Variants in SMYD3 observed in about 807,000 individuals in gnomAD.
SMYD3 encodes histone-lysine N-methyltransferase SMYD3.
Under a neutral mutation model 57.7 loss-of-function variants are expected in SMYD3, and 36 were observed. The ratio of observed to expected loss-of-function variants is 0.62; its 90% CI spans 0.48 to 0.82. SMYD3 has a LOEUF of 0.82. Among genes scored for constraint, SMYD3 ranks in the 40% least tolerant of loss-of-function variants. The probability of loss-of-function intolerance (pLI) is 0.00; values close to 1 mark genes in which losing one functional copy is unlikely to be tolerated. For synonymous variants in SMYD3, 211 were observed against 195.0 expected (o/e 1.08, Z -0.68); for missense variants, 515 against 538.8 (o/e 0.96, Z 0.44).
chr1:246,079,609 ACTGT>A (rs1400323455), intron 5 of SMYD3, among the ~76,000 whole-genome samples: 1 of 152,196 alleles, frequency 6.6e-6, no homozygotes, highest in Non-Finnish European at 1.5e-5. Context: ...TCATCCCCCG[ACTGT>A]CTGTCACTCA....
At chr1:246,129,225 C>T (rs1274256766) in intron 5 of SMYD3, among the ~76,000 whole-genome samples, 3 of 151,950 alleles carry the variant, frequency 2.0e-5, no homozygotes, top group African/African-American at 7.3e-5. Context: ...ACTAAAACTG[C>T]TCTAAAAAAA....
intron 5 of SMYD3, among the ~76,000 whole-genome samples, chr1:246,269,029 T>A (rs540113229): frequency 1.3e-5 from 2 of 152,278 alleles, no homozygotes; most frequent in East Asian, 3.9e-4. Flanking sequence ...TAAAGAATAA[T>A]AAGCACGTAA....
At chr1:246,173,996 C>T (rs1036684667) in intron 5 of SMYD3, among the ~76,000 whole-genome samples, 8 of 152,018 alleles carry the variant, frequency 5.3e-5, no homozygotes, top group Non-Finnish European at 1.0e-4. Context: ...TTTTTGCAGA[C>T]ACAGGGTCTC....
intron 10 of SMYD3, among the ~76,000 whole-genome samples, chr1:245,813,860 CTATATATATATATA>C (rs6143718): frequency 1.8e-4 from 26 of 147,042 alleles, no homozygotes; most frequent in African/African-American, 6.8e-4. Context: ...TCATGGAGCC[CTATATATATATATA>C]TATATATATA....
intron 5 of SMYD3, among the ~76,000 whole-genome samples, chr1:245,992,236 G>A (rs1182769287): frequency 7.5e-5 from 7 of 93,840 alleles, no homozygotes; most frequent in Middle Eastern, 5.1e-3. Context: ...ACGGCCTGCC[G>A]TCATTTCTAT....
chr1:246,442,323 G>A lies in SMYD3; in HGVS notation c.164+64731C>T, dbSNP rs139260306. 8.7e-3 allele frequency among the ~76,000 whole-genome samples: 1,319 copies of A among 152,184 alleles called. 7 individuals carry two copies. The highest frequency in any genetic ancestry group is 0.013 in the Non-Finnish European group (897 of 67,986). ...TGTAATCCCAGCACTTTGGGAGGCC[G>A]AGGCAGGCTGAGGTCACGAGTTCAA... On this transcript the variant is annotated intron_variant, in intron 1 of 11. Transcript: ENST00000490107.
At position 246,018,606 on chromosome 1, in the gene SMYD3, CT is replaced by C. The variant is rs528690906; in HGVS notation, c.532-88670del. Among the ~76,000 whole-genome samples, 792 of 152,174 alleles carry C rather than the reference CT, an allele frequency of 5.2e-3. 3 individuals carry two copies. Among genetic ancestry groups the C allele is most frequent in the African/African-American group, 8.2e-3 (339 of 41,542 alleles). The stretch of plus-strand genomic sequence containing the variant: ...CTATACACACCTCATTGATTTTAAA[CT>C]TTTTTTCTTTGTTTACAGATGGGGT... On this transcript the variant is annotated intron_variant, in intron 5 of 11. Transcript: ENST00000490107.
intron 1 of SMYD3, among the ~76,000 whole-genome samples, chr1:246,469,045 G>A (rs2067920987): frequency 6.6e-6 from 1 of 152,156 alleles, no homozygotes; most frequent in Admixed American, 6.5e-5. Context: ...GGCCCATTCA[G>A]TACCTCCACA....
intron 5 of SMYD3, among the ~76,000 whole-genome samples, chr1:245,958,180 G>T (rs1481321843): frequency 6.6e-6 from 1 of 152,216 alleles, no homozygotes; most frequent in Non-Finnish European, 1.5e-5. Context: ...AGAGGCTTAA[G>T]TGGTGCCAGA....
chr1:246,256,141 T>C (rs10924635), intron 5 of SMYD3, among the ~76,000 whole-genome samples: 31,550 of 151,974 alleles, frequency 0.21, 3,988 homozygotes, highest in East Asian at 0.58. Flanking sequence ...AATTGAAGAA[T>C]TTGGAGTCTG....
chr1:245,760,897 T>C (rs538194478), intron 11 of SMYD3, among the ~76,000 whole-genome samples: 1 of 152,202 alleles, frequency 6.6e-6, no homozygotes, highest in South Asian at 2.1e-4. Flanking sequence ...ATGCTTGAGA[T>C]TGGCAAGCAC....
At chr1:246,433,231 C>G (rs2067323049) in intron 1 of SMYD3, among the ~76,000 whole-genome samples, 2 of 152,198 alleles carry the variant, frequency 1.3e-5, no homozygotes. Context: ...ACACACACAC[C>G]AATATCTAGG....
rs1373470748 is a variant in SMYD3 at position 246,083,094 on chromosome 1, C to T, written c.532-153157G>A. On this transcript the variant is annotated intron_variant, in intron 5 of 11. Coordinates refer to ENST00000490107, the MANE Select transcript of SMYD3 (RefSeq NM_001167740.2). ...GGAAAGACCTGACCGTCCCCCAGCCCGACACCCGTAAAGGGTCTGTGCTGA... is the reference window on the plus strand; with the variant it reads ...GGAAAGACCTGACCGTCCCCCAGCCTGACACCCGTAAAGGGTCTGTGCTGA... Among the ~76,000 whole-genome samples, 12 of 151,272 alleles carry T rather than the reference C, an allele frequency of 7.9e-5. No individual in the cohort carries two copies. The South Asian group carries it at 1.1e-3, about 13-fold the overall frequency.
intron 8 of SMYD3, among the ~76,000 whole-genome samples, chr1:245,868,814 C>A (rs1235343575): frequency 6.6e-6 from 1 of 152,178 alleles, no homozygotes; most frequent in Non-Finnish European, 1.5e-5. Flanking sequence ...CTGCTACTCA[C>A]AATTATGTCT....
chr1:246,375,998 G>A (rs945958182), intron 1 of SMYD3, among the ~76,000 whole-genome samples: 6 of 151,968 alleles, frequency 3.9e-5, no homozygotes, highest in African/African-American at 1.4e-4. Flanking sequence ...CCAAAGTGCT[G>A]GGATTACAGG....
chr1:245,825,013 A>G (rs2049403198), intron 10 of SMYD3, among the ~76,000 whole-genome samples: 1 of 152,204 alleles, frequency 6.6e-6, no homozygotes, highest in African/African-American at 2.4e-5. Flanking sequence ...CCTGGGCAAC[A>G]GAACAAGACT....
intron 8 of SMYD3, among the ~76,000 whole-genome samples, chr1:245,865,476 T>A (rs1214332058): frequency 6.6e-6 from 1 of 152,210 alleles, no homozygotes; most frequent in African/African-American, 2.4e-5. Flanking sequence ...AGTTTATACA[T>A]GACAAAACTG....
chr1:246,317,507 G>A, intron 5 of SMYD3, among the ~76,000 whole-genome samples: 1 of 152,244 alleles, frequency 6.6e-6, no homozygotes, highest in East Asian at 1.9e-4. Context: ...AATAGAAAGA[G>A]TATTTTTGAA....
intron 7 of SMYD3, among the ~76,000 whole-genome samples, chr1:245,919,170 A>G (rs937264163): frequency 1.1e-4 from 16 of 152,176 alleles, no homozygotes; most frequent in African/African-American, 3.6e-4. Flanking sequence ...CTGCTTTGAG[A>G]GAGATCTTCC....
Sources: gnomAD v4.1 joint callset for allele counts (sites outside exome capture counted in the v4.1 genomes callset) on GRCh38, gnomAD v4.1.1 for gene constraint, MANE v1.5 for transcripts, NCBI Gene and HGNC (gene_info 2026-07-23, HGNC 2026-07-21) for gene names.